The following KALRN variants were observed in gnomAD, a reference collection of about 807,000 sequenced individuals.
KALRN encodes kalirin RhoGEF kinase.
KALRN carries 70 observed loss-of-function variants against 353.7 expected under a neutral mutation model. The observed-to-expected ratio is 0.20, with a 90% CI of 0.16 to 0.24. The LOEUF is 0.24. Ranked by LOEUF, KALRN falls within the 10% of genes least tolerant of loss-of-function variation. KALRN has a pLI of 1.00. For missense variants in KALRN, 2,791 were observed against 3,756.7 expected, an observed-to-expected ratio of 0.74 and a Z score of 6.72; for synonymous variants, 1,391 against 1,434.8, an observed-to-expected ratio of 0.97 and a Z score of 0.69.
intron 51 of KALRN, among the ~76,000 whole-genome samples, chr3:124,692,223 C>A (rs967292553): frequency 3.9e-5 from 6 of 152,220 alleles, no homozygotes; most frequent in African/African-American, 1.4e-4. Flanking sequence ...TAAAGATAGG[C>A]TAAGCAGAGG....
chr3:124,636,778 A>G (rs997294347), intron 36 of KALRN, among the ~76,000 whole-genome samples: 5 of 152,070 alleles, frequency 3.3e-5, no homozygotes, highest in Non-Finnish European at 7.4e-5. Flanking sequence ...CCTTTTTTGG[A>G]CACACTCAAG....
intron 33 of KALRN, chr3:124,562,585 C>T (rs114516129): frequency 0.057 from 17,772 of 311,314 alleles, 622 homozygotes; most frequent in Middle Eastern, 0.1. Context: ...ACTGTGGCTA[C>T]AGCTAGAAAG....
At chr3:124,715,645 A>T (rs2063101745) in intron 58 of KALRN, among the ~76,000 whole-genome samples, 1 of 152,226 alleles carries the variant, frequency 6.6e-6, no homozygotes, top group Non-Finnish European at 1.5e-5. Context: ...AAAGTAGAAG[A>T]CACCAGTGGG....
chr3:124,246,130 T>C (rs2081093972), intron 3 of KALRN, among the ~76,000 whole-genome samples: 1 of 152,250 alleles, frequency 6.6e-6, no homozygotes, highest in Admixed American at 6.5e-5. Context: ...CATATGGTAG[T>C]TTTATTTTTA....
At chr3:124,365,202 A>G (rs2084518983) in intron 10 of KALRN, among the ~76,000 whole-genome samples, 1 of 152,162 alleles carries the variant, frequency 6.6e-6, no homozygotes, top group Non-Finnish European at 1.5e-5. Flanking sequence ...ATGAACTCTG[A>G]AATACAGTTT....
At position 124,482,789 on chromosome 3, in the gene KALRN, A is replaced by T; in HGVS notation, c.4192-19A>T. The T allele has an allele frequency of 6.4e-7, 1 of 1,561,838 alleles. No individual in the cohort carries two copies. The highest frequency in any genetic ancestry group is 8.8e-7 in the Non-Finnish European group (1 of 1,132,216). ...CACACCCCTCTGTGTCTAATTGCACATTGTTCTCATCCCTGCAGGAGATAC... is the reference window on the plus strand; with the variant it reads ...CACACCCCTCTGTGTCTAATTGCACTTTGTTCTCATCCCTGCAGGAGATAC... On this transcript the variant is annotated intron_variant, in intron 27 of 59. Transcript: ENST00000682506.
At chr3:124,543,495 G>T (rs767023600) in intron 33 of KALRN, among the ~76,000 whole-genome samples, 1 of 151,966 alleles carries the variant, frequency 6.6e-6, no homozygotes, top group African/African-American at 2.4e-5. Flanking sequence ...TAGAGACGGG[G>T]TTTCACTGTG....
intron 57 of KALRN, among the ~76,000 whole-genome samples, chr3:124,706,173 C>T (rs558749738): frequency 1.3e-5 from 2 of 152,322 alleles, no homozygotes; most frequent in African/African-American, 4.8e-5. Context: ...TCCCAAAGTG[C>T]TGGGATTGCA....
chr3:124,539,009 G>C (rs1033609083), intron 33 of KALRN, among the ~76,000 whole-genome samples: 1 of 152,148 alleles, frequency 6.6e-6, no homozygotes, highest in Non-Finnish European at 1.5e-5. Flanking sequence ...CCATGCTGTC[G>C]CATGGTGCCT....
chr3:124,457,245 T>C (rs2059405231), intron 23 of KALRN, among the ~76,000 whole-genome samples: 1 of 152,090 alleles, frequency 6.6e-6, no homozygotes, highest in South Asian at 2.1e-4. Flanking sequence ...AATTTTTGTA[T>C]TTTTAATAGA....
At chr3:124,683,289 G>A (rs1309868381) in intron 51 of KALRN, among the ~76,000 whole-genome samples, 2 of 152,132 alleles carry the variant, frequency 1.3e-5, no homozygotes, top group Admixed American at 6.5e-5. Context: ...CTCTACCCCG[G>A]TATCTGCACT....
chr3:124,121,693 G>C (rs560534175), intron 1 of KALRN, among the ~76,000 whole-genome samples: 1 of 152,276 alleles, frequency 6.6e-6, no homozygotes, highest in Non-Finnish European at 1.5e-5. Context: ...TTACAGTTTG[G>C]GGATGCTTTT....
At chr3:124,164,013 A>C in intron 1 of KALRN, 3 of 981,294 alleles carry the variant, frequency 3.1e-6, no homozygotes, top group Non-Finnish European at 3.6e-6. Context: ...TTTTGGATTT[A>C]CTGCAGAACT....
intron 33 of KALRN, chr3:124,519,285 A>T: frequency 2.1e-6 from 2 of 968,480 alleles, no homozygotes; most frequent in Non-Finnish European, 2.5e-6. Flanking sequence ...TCATTATACC[A>T]TTCTCCCCAC....
intron 1 of KALRN, among the ~76,000 whole-genome samples, chr3:124,090,283 G>T (rs1275815598): frequency 2.0e-5 from 3 of 152,188 alleles, no homozygotes; most frequent in Non-Finnish European, 4.4e-5. Flanking sequence ...TCCATGAGCT[G>T]GGCATGCCTC....
intron 51 of KALRN, among the ~76,000 whole-genome samples, chr3:124,684,722 G>A (rs540397061): frequency 1.3e-5 from 2 of 152,338 alleles, no homozygotes; most frequent in South Asian, 2.1e-4. Context: ...CGAAGAGGAC[G>A]TGGAAGATTC....
At chr3:124,614,447 A>G (rs914201226) in intron 34 of KALRN, among the ~76,000 whole-genome samples, 2 of 151,298 alleles carry the variant, frequency 1.3e-5, no homozygotes, top group Non-Finnish European at 2.9e-5. Flanking sequence ...TTTTACAGAA[A>G]CAGAGTTTCG....
At chr3:124,686,160 G>A (rs1260364471) in intron 51 of KALRN, among the ~76,000 whole-genome samples, 2 of 152,198 alleles carry the variant, frequency 1.3e-5, no homozygotes, top group African/African-American at 4.8e-5. Flanking sequence ...TAACAGTCAT[G>A]GTGAGGGACT....
At chr3:124,688,154 T>C (rs949462674) in intron 51 of KALRN, among the ~76,000 whole-genome samples, 6 of 151,768 alleles carry the variant, frequency 4.0e-5, no homozygotes, top group African/African-American at 1.5e-4. Context: ...CTATAAAGAA[T>C]AGAAAAAATT....
Sources: allele counts gnomAD v4.1 joint callset (sites outside exome capture counted in the v4.1 genomes callset), GRCh38; gene constraint gnomAD v4.1.1; transcripts MANE v1.5; gene names NCBI Gene and HGNC (gene_info 2026-07-23, HGNC 2026-07-21).